The following MALRD1 variants were observed in gnomAD, a reference collection of about 807,000 sequenced individuals.
The protein encoded by MALRD1 is MAM and LDL-receptor class A domain-containing protein 1.
MALRD1 carries 247 observed loss-of-function variants against 242.1 expected under a neutral mutation model. The ratio of observed to expected loss-of-function variants is 1.02; its 90% confidence interval spans 0.92 to 1.13. MALRD1 has a LOEUF of 1.13. Ranked by LOEUF, MALRD1 falls within the 50% of genes most tolerant of loss-of-function variation. The probability of loss-of-function intolerance (pLI) is 0.00; values close to 1 mark genes in which losing one functional copy is unlikely to be tolerated. For synonymous variants in MALRD1, 995 were observed against 866.6 expected (o/e 1.15, Z -2.60); for missense variants, 2,989 against 2,533.1 (o/e 1.18, Z -3.86).
chr10:19,088,210 A>G, intron 4 of MALRD1, 25 bp downstream of exon 4: 2 of 1,231,942 alleles, frequency 1.6e-6, no homozygotes, highest in Non-Finnish European at 2.0e-6. Flanking sequence ...TTTTCTAACT[A>G]TGGCCTTGAA....
chr10:19,253,991 T>C (rs1426844543), intron 18 of MALRD1, among the ~76,000 whole-genome samples: 1 of 151,954 alleles, frequency 6.6e-6, no homozygotes, highest in Non-Finnish European at 1.5e-5. Context: ...TCGTGTCTCA[T>C]TCTCTCTCCT....
At chr10:19,673,546 G>A (rs1842016895) in intron 36 of MALRD1, among the ~76,000 whole-genome samples, 1 of 152,112 alleles carries the variant, frequency 6.6e-6, no homozygotes, top group Non-Finnish European at 1.5e-5. Context: ...AAATGACACT[G>A]TTTTCAGATT....
chr10:19,068,825 A>AT (rs2131249249), intron 2 of MALRD1, among the ~76,000 whole-genome samples: 1 of 152,202 alleles, frequency 6.6e-6, no homozygotes, highest in East Asian at 1.9e-4. Flanking sequence ...CCAAAATTAT[A>AT]TTTTTCATTA....
intron 24 of MALRD1, among the ~76,000 whole-genome samples, chr10:19,339,788 A>G (rs772839886): frequency 3.5e-4 from 53 of 152,144 alleles, no homozygotes; most frequent in Non-Finnish European, 6.3e-4. Context: ...AGTATGTGTT[A>G]TATTAGTTCA....
At chr10:19,354,162 A>G (rs1588956036) in intron 26 of MALRD1, among the ~76,000 whole-genome samples, 2 of 152,328 alleles carry the variant, frequency 1.3e-5, no homozygotes, top group East Asian at 1.9e-4. Flanking sequence ...GAATGAGGTC[A>G]TATTTTAGGA....
chr10:19,408,603 G>A (rs965269386), intron 28 of MALRD1, among the ~76,000 whole-genome samples: 9 of 151,916 alleles, frequency 5.9e-5, no homozygotes, highest in Non-Finnish European at 1.0e-4. Flanking sequence ...TTAGAAAATG[G>A]GCAAAAGATA....
chr10:19,187,511 T>G (rs191744523), intron 14 of MALRD1, among the ~76,000 whole-genome samples: 1 of 152,212 alleles, frequency 6.6e-6, no homozygotes, highest in Non-Finnish European at 1.5e-5. Context: ...ACACATCTGG[T>G]GAATTTGAAC....
At position 19,078,753 on chromosome 10, in the gene MALRD1, C is replaced by A. The variant is rs192963559; in HGVS notation, c.341-9087C>A. 5.4e-4 allele frequency among the ~76,000 whole-genome samples: 82 copies of A among 151,732 alleles called. 1 individual carries two copies. The highest frequency in any genetic ancestry group is 1.0e-3 in the Non-Finnish European group (69 of 67,800). Reference sequence around the variant, plus strand: ...TTGAATTGGCTTTGGTAGTTTGTGTCTTTCTGGATATTTGTCCATCTCTTC... The same window carrying A: ...TTGAATTGGCTTTGGTAGTTTGTGTATTTCTGGATATTTGTCCATCTCTTC... On this transcript the variant is annotated intron_variant, in intron 2 of 39. Transcript: ENST00000454679.
chr10:19,629,850 C>G (rs1409565094), intron 36 of MALRD1, among the ~76,000 whole-genome samples: 1 of 152,190 alleles, frequency 6.6e-6, no homozygotes, highest in Non-Finnish European at 1.5e-5. Context: ...GCTTTTCTTC[C>G]TGCTCAGCCA....
intron 21 of MALRD1, among the ~76,000 whole-genome samples, chr10:19,305,872 ATATAATATATATAATATATAT>A (rs1842144804): frequency 7.7e-6 from 1 of 130,242 alleles, no homozygotes; most frequent in African/African-American, 3.0e-5. Flanking sequence ...ACTATATATT[ATATAATATATATAATATATAT>A]TATATATACT....
At chr10:19,606,294 G>C (rs1838620290) in intron 34 of MALRD1, among the ~76,000 whole-genome samples, 1 of 152,078 alleles carries the variant, frequency 6.6e-6, no homozygotes, top group African/African-American at 2.4e-5. Context: ...CTTTATTCAT[G>C]TGCAAGGAAT....
chr10:19,101,506 G>A (rs1178259905), intron 4 of MALRD1, among the ~76,000 whole-genome samples: 8 of 134,066 alleles, frequency 6.0e-5, no homozygotes, highest in Non-Finnish European at 1.2e-4. Context: ...TATAGCATAT[G>A]TATATCATTA....
At chr10:19,320,720 C>T (rs999361692) in intron 21 of MALRD1, among the ~76,000 whole-genome samples, 1 of 152,184 alleles carries the variant, frequency 6.6e-6, no homozygotes, top group African/African-American at 2.4e-5. Flanking sequence ...TATTTCTCCA[C>T]ATCCTCTCCA....
rs899935860 is a variant in MALRD1, at chr10:19,173,262, C to A, written c.1831-1946C>A. ...TTTTCTGTAACTTATTTTTTTTACT[C>A]CAAAACACATGTTGAATTTCTTTCC... On this transcript the variant is annotated intron_variant, in intron 13 of 39. Transcript: ENST00000454679. 4.6e-5 allele frequency among the ~76,000 whole-genome samples: 7 copies of A among 151,878 alleles called. No individual in the cohort carries two copies. The East Asian group carries it at 1.2e-3, about 25-fold the overall frequency.
chr10:19,137,414 G>A (rs1423442244), intron 10 of MALRD1, among the ~76,000 whole-genome samples: 2 of 151,928 alleles, frequency 1.3e-5, no homozygotes, highest in Non-Finnish European at 2.9e-5. Context: ...GACCAGCCTG[G>A]CCAACATAGT....
rs145475899 is a variant in MALRD1 at position 19,460,169 on chromosome 10, A to T, written c.5029+9679A>T. Among the ~76,000 whole-genome samples the T allele has an allele frequency of 5.3e-4, 81 of 152,258 alleles. 1 individual carries two copies. In the East Asian group the frequency reaches 0.012, roughly 23 times the overall value. Reference sequence around the variant, plus strand: ...TCAAGAAGGCTCCTACTTTATACTCATATATAATTTTTCCACTACATAATT... The same window carrying T: ...TCAAGAAGGCTCCTACTTTATACTCTTATATAATTTTTCCACTACATAATT... On this transcript the variant is annotated intron_variant, in intron 29 of 39. Transcript: ENST00000454679.
intron 21 of MALRD1, among the ~76,000 whole-genome samples, chr10:19,313,447 G>T (rs1311582463): frequency 6.6e-6 from 1 of 151,212 alleles, no homozygotes; most frequent in African/African-American, 2.4e-5. Flanking sequence ...AATTTACAAA[G>T]ATGATATTTA....
rs143604814 is a variant in MALRD1, at chr10:19,678,330, C to T, written c.6138-13952C>T. Among the ~76,000 whole-genome samples the T allele has an allele frequency of 1.6e-4, 24 of 152,210 alleles. No homozygotes were observed. The East Asian group carries it at 4.3e-3, about 27-fold the overall frequency. The stretch of plus-strand genomic sequence containing the variant: ...GGAATGTCTTACCATTTGTTTGTGT[C>T]CTCTCTGCTTTCCTTGAGGAGAGGT... On this transcript the variant is annotated intron_variant, in intron 36 of 39. Coordinates refer to ENST00000454679, the MANE Select transcript of MALRD1 (RefSeq NM_001142308.3).
chr10:19,495,397 A>G (rs1196679187), intron 30 of MALRD1, among the ~76,000 whole-genome samples: 1 of 151,998 alleles, frequency 6.6e-6, no homozygotes, highest in African/African-American at 2.4e-5. Flanking sequence ...TTCAGCAGTG[A>G]ATCTTTTACC....
Sources: allele counts gnomAD v4.1 joint callset (sites outside exome capture counted in the v4.1 genomes callset), GRCh38; gene constraint gnomAD v4.1.1; transcripts MANE v1.5; gene names NCBI Gene and HGNC (gene_info 2026-07-23, HGNC 2026-07-21).